The following DLG2 variants were observed in gnomAD, a reference collection of about 807,000 sequenced individuals.
DLG2 encodes the protein discs large MAGUK scaffold protein 2, also known as disks large homolog 2.
DLG2 carries 45 observed loss-of-function variants against 132.5 expected under a neutral mutation model. The observed-to-expected ratio is 0.34, with a 90% CI of 0.27 to 0.44. The LOEUF (loss-of-function observed/expected upper bound fraction) is 0.44, where lower values mean the gene tolerates loss of function less well. Among genes scored for constraint, DLG2 ranks in the 20% least tolerant of loss-of-function variants. DLG2 has a pLI of 1.00. For synonymous variants in DLG2, 424 were observed against 419.6 expected (o/e 1.01, Z -0.13); for missense variants, 1,045 against 1,196.9 (o/e 0.87, Z 1.87).
At chr11:84,285,201 G>A (rs1179826902) in intron 7 of DLG2, among the ~76,000 whole-genome samples, 1 of 152,096 alleles carries the variant, frequency 6.6e-6, no homozygotes, top group Admixed American at 6.6e-5. Flanking sequence ...CAAAAGCTGA[G>A]CTTTCATCCT....
At chr11:84,091,227 C>G (rs921853560) in intron 10 of DLG2, among the ~76,000 whole-genome samples, 5 of 152,192 alleles carry the variant, frequency 3.3e-5, no homozygotes, top group Non-Finnish European at 7.3e-5. Flanking sequence ...GGTCACTGTT[C>G]AGAGAAATTC....
In DLG2 at chr11:85,122,868, A is replaced by ACACATATAT. The variant is rs1461260268; in HGVS notation, c.283-11142_283-11134dup. On this transcript the variant is annotated intron_variant, in intron 5 of 27. Transcript: ENST00000376104. The stretch of plus-strand genomic sequence containing the variant: ...CACACATAAATGCACACACATATAC[A>ACACATATAT]CACATATATATGTATATTTATACAC... 6.9e-4 allele frequency among the ~76,000 whole-genome samples: 102 copies of ACACATATAT among 147,530 alleles called. 1 individual carries two copies. Among genetic ancestry groups the ACACATATAT allele is most frequent in the Middle Eastern group, 3.5e-3 (1 of 282 alleles).
intron 6 of DLG2, among the ~76,000 whole-genome samples, chr11:84,797,410 T>A (rs2074784661): frequency 6.6e-6 from 1 of 152,176 alleles, no homozygotes; most frequent in Non-Finnish European, 1.5e-5. Flanking sequence ...CATGCTTCAT[T>A]CTTTTTTGTA....
At chr11:84,684,278 T>C (rs2099736105) in intron 6 of DLG2, among the ~76,000 whole-genome samples, 1 of 152,184 alleles carries the variant, frequency 6.6e-6, no homozygotes, top group Non-Finnish European at 1.5e-5. Context: ...TGTCTTTCCT[T>C]GAGTGCTAAT....
chr11:85,564,044 G>T (rs1223372549), intron 3 of DLG2, among the ~76,000 whole-genome samples: 4 of 151,984 alleles, frequency 2.6e-5, no homozygotes, highest in Admixed American at 6.6e-5. Context: ...AATGTCTAAA[G>T]ATGGTAAACA....
At chr11:84,615,760 T>A (rs1470837552) in intron 6 of DLG2, among the ~76,000 whole-genome samples, 1 of 143,126 alleles carries the variant, frequency 7.0e-6, no homozygotes, top group Non-Finnish European at 1.5e-5. Context: ...CTCCAAATTA[T>A]CTGAAATTAT....
At chr11:83,476,218 G>C (rs1174049483) in intron 22 of DLG2, among the ~76,000 whole-genome samples, 1 of 152,122 alleles carries the variant, frequency 6.6e-6, no homozygotes, top group Admixed American at 6.6e-5. Flanking sequence ...TAGAATGCTA[G>C]TGCTAAGAAA....
chr11:85,099,770 G>A (rs1046728723), intron 6 of DLG2, among the ~76,000 whole-genome samples: 6 of 152,086 alleles, frequency 3.9e-5, no homozygotes, highest in South Asian at 2.1e-4. Flanking sequence ...TGTTTGTTCC[G>A]CAGTGGTCTA....
At chr11:84,148,158 A>T (rs934937179) in intron 9 of DLG2, among the ~76,000 whole-genome samples, 4 of 145,236 alleles carry the variant, frequency 2.8e-5, no homozygotes, top group Non-Finnish European at 5.9e-5. Flanking sequence ...GTTTTATAAT[A>T]AAAAAAATCT....
intron 15 of DLG2, among the ~76,000 whole-genome samples, chr11:83,888,333 G>GT (rs1407016785): frequency 2.0e-5 from 3 of 152,096 alleles, no homozygotes; most frequent in Non-Finnish European, 2.9e-5. Flanking sequence ...CAAATCATGA[G>GT]TGAACTCCCA....
chr11:85,359,832 A>G (rs1051477500), intron 3 of DLG2, among the ~76,000 whole-genome samples: 8 of 152,206 alleles, frequency 5.3e-5, no homozygotes, highest in African/African-American at 1.9e-4. Context: ...GCACAAAAAA[A>G]GGAAGAGGTT....
At chr11:83,971,197 A>G (rs1047478458) in intron 12 of DLG2, among the ~76,000 whole-genome samples, 2 of 152,130 alleles carry the variant, frequency 1.3e-5, no homozygotes, top group Admixed American at 1.3e-4. Flanking sequence ...TTTCAAGGAA[A>G]AAAATCATGT....
intron 6 of DLG2, among the ~76,000 whole-genome samples, chr11:84,920,630 T>G (rs2092708391): frequency 6.6e-6 from 1 of 152,202 alleles, no homozygotes; most frequent in South Asian, 2.1e-4. Flanking sequence ...ACATAGTGCA[T>G]AAATCATAGA....
intron 15 of DLG2, among the ~76,000 whole-genome samples, chr11:83,923,543 T>G (rs1243504562): frequency 6.6e-6 from 1 of 152,064 alleles, no homozygotes; most frequent in African/African-American, 2.4e-5. Flanking sequence ...CTCCCATTGT[T>G]TTCTAAAGAG....
At chr11:84,168,597 T>C (rs543288061) in intron 8 of DLG2, among the ~76,000 whole-genome samples, 1 of 152,230 alleles carries the variant, frequency 6.6e-6, no homozygotes, top group South Asian at 2.1e-4. Flanking sequence ...TGTGAGTGAG[T>C]AAGTAGATAA....
At chr11:83,908,527 C>T (rs2075453356) in intron 15 of DLG2, among the ~76,000 whole-genome samples, 1 of 152,014 alleles carries the variant, frequency 6.6e-6, no homozygotes, top group African/African-American at 2.4e-5. Context: ...CCTACAAAAA[C>T]AGAGCATATT....
At chr11:84,528,005 A>C (rs1302899917) in intron 7 of DLG2, among the ~76,000 whole-genome samples, 1 of 151,710 alleles carries the variant, frequency 6.6e-6, no homozygotes, top group East Asian at 2.0e-4. Flanking sequence ...TGAGGAGTTC[A>C]AATTTCAGTT....
intron 4 of DLG2, among the ~76,000 whole-genome samples, chr11:85,247,070 C>CAATT (rs10638512): frequency 0.1 from 15,503 of 151,876 alleles, 1,024 homozygotes; most frequent in African/African-American, 0.19. Context: ...ATGTTCAAAT[C>CAATT]CTCTGTTTTC....
At chr11:85,419,385 T>A (rs1379272960) in intron 3 of DLG2, among the ~76,000 whole-genome samples, 2 of 152,210 alleles carry the variant, frequency 1.3e-5, no homozygotes, top group Non-Finnish European at 1.5e-5. Context: ...CCTTAATAAA[T>A]CTGTCGATTA....
Sources: allele counts gnomAD v4.1 joint callset (sites outside exome capture counted in the v4.1 genomes callset), GRCh38; gene constraint gnomAD v4.1.1; transcripts MANE v1.5; gene names NCBI Gene and HGNC (gene_info 2026-07-23, HGNC 2026-07-21).